The following TFDP1 variants were observed in gnomAD, a reference collection of about 807,000 sequenced individuals.
The protein encoded by TFDP1 is DRTF1-polypeptide 1.
A neutral mutation model predicts 48.0 loss-of-function variants in TFDP1; 6 were observed. That is an observed-to-expected ratio of 0.13 (90% confidence interval 0.07 to 0.25). The LOEUF is 0.25. Among genes scored for constraint, TFDP1 ranks in the 10% least tolerant of loss-of-function variants. The pLI is 1.00. For missense variants in TFDP1, 335 were observed against 543.0 expected (o/e 0.62, Z 3.81); for synonymous variants, 201 against 211.6 (o/e 0.95, Z 0.44).
intron 3 of TFDP1, among the ~76,000 whole-genome samples, chr13:113,616,275 GTGTC>G (rs531757669): frequency 5.9e-5 from 9 of 151,946 alleles, no homozygotes; most frequent in African/African-American, 1.5e-4. Flanking sequence ...GGTGCGTGGA[GTGTC>G]TGTCCTCTCC....
At chr13:113,637,107 T>G (rs747909304) in intron 10 of TFDP1, 1 of 182,084 alleles carries the variant, frequency 5.5e-6, no homozygotes, top group Non-Finnish European at 1.1e-5. Context: ...GAAAAAGCAT[T>G]TCAGAGTCAT....
intron 2 of TFDP1, among the ~76,000 whole-genome samples, chr13:113,595,836 A>G (rs2048273180): frequency 6.6e-6 from 1 of 152,226 alleles, no homozygotes; most frequent in African/African-American, 2.4e-5. Context: ...TAATCCCAGC[A>G]CTTTGGGAGG....
At chr13:113,602,458 C>CT (rs2048461264) in intron 2 of TFDP1, among the ~76,000 whole-genome samples, 1 of 150,454 alleles carries the variant, frequency 6.6e-6, no homozygotes, top group Non-Finnish European at 1.5e-5. Context: ...CGGGGCCCAT[C>CT]CCAGCTGCTG....
intron 2 of TFDP1, 166 bp downstream of exon 2, chr13:113,586,015 A>C: frequency 1.4e-6 from 1 of 740,360 alleles, no homozygotes. Flanking sequence ...GAAGGATCTG[A>C]TCTCTGAAGC....
rs201563015 is a variant in TFDP1 at position 113,623,223 on chromosome 13, G to A, written c.123G>A (p.Pro41=). ...LVAVHPSTVN[P]LGKQLLPKTF... ...CCGTTCACCCCTCCACCGTCAACCC[G>A]CTCGGGAAGCAGCTCTTGCCAAAAA... Residue 41 remains proline (P), a synonymous_variant, in exon 4 of 12, where the codon CCG becomes CCA. Transcript: ENST00000375370. This position sits in a 1 kb window ranked among gnomAD's most constrained non-coding sequence, Gnocchi z 5.2. The A allele has an allele frequency of 2.2e-5, 36 of 1,613,642 alleles. No individual in the cohort carries two copies. Among genetic ancestry groups the A allele is most frequent in the Middle Eastern group, 1.6e-4 (1 of 6,062 alleles).
chr13:113,587,934 G>A (rs1046840930), intron 2 of TFDP1, among the ~76,000 whole-genome samples: 1 of 152,186 alleles, frequency 6.6e-6, no homozygotes, highest in South Asian at 2.1e-4. Context: ...TCAGCTCACT[G>A]TGACCTTGGC....
At position 113,594,374 on chromosome 13, in the gene TFDP1, G is replaced by A. The variant is rs560386729; in HGVS notation, c.12+8525G>A. 6.6e-5 allele frequency among the ~76,000 whole-genome samples: 10 copies of A among 151,240 alleles called. No homozygotes were observed. In the South Asian group the frequency reaches 1.1e-3, roughly 16 times the overall value. Reference sequence around the variant, plus strand: ...CCTCAGCTATACACAGGTGTCAGGCGTGATGCGTGTGGGTCCTCAGCCCTG... The same window carrying A: ...CCTCAGCTATACACAGGTGTCAGGCATGATGCGTGTGGGTCCTCAGCCCTG... On this transcript the variant is annotated intron_variant, in intron 2 of 11. Transcript: ENST00000375370.
chr13:113,610,240 CAT>C (rs2048674597), intron 2 of TFDP1, among the ~76,000 whole-genome samples: 2 of 151,210 alleles, frequency 1.3e-5, no homozygotes, highest in South Asian at 2.1e-4. Flanking sequence ...TAGCATCACT[CAT>C]GTGCCTCTGC....
chr13:113,600,857 T>C (rs368937723), intron 2 of TFDP1, among the ~76,000 whole-genome samples: 1 of 138,564 alleles, frequency 7.2e-6, no homozygotes, highest in Non-Finnish European at 1.5e-5. Flanking sequence ...AGGACCGTGA[T>C]AGAGAACTCA....
At chr13:113,631,398 G>T (rs931509034) in intron 4 of TFDP1, among the ~76,000 whole-genome samples, 9 of 152,190 alleles carry the variant, frequency 5.9e-5, no homozygotes, top group African/African-American at 2.4e-5. Flanking sequence ...TGGAGAAGAT[G>T]CCTGTGACTG....
chr13:113,597,835 G>C lies in TFDP1; in HGVS notation c.12+11986G>C, dbSNP rs571730037. 2.6e-5 allele frequency among the ~76,000 whole-genome samples: 4 copies of C among 152,294 alleles called. 1 individual carries two copies. The South Asian group carries it at 8.3e-4, about 32-fold the overall frequency. On this transcript the variant is annotated intron_variant, in intron 2 of 11. Coordinates refer to ENST00000375370, the MANE Select transcript of TFDP1 (RefSeq NM_007111.5). Reference sequence around the variant, plus strand: ...CAGGAGCCAGCATCCAGACACGCTGGGGACTCTGCGGCCTCTGTCTTTGCC... The same window carrying C: ...CAGGAGCCAGCATCCAGACACGCTGCGGACTCTGCGGCCTCTGTCTTTGCC...
chr13:113,600,566 A>C (rs2048395582), intron 2 of TFDP1, among the ~76,000 whole-genome samples: 1 of 145,418 alleles, frequency 6.9e-6, no homozygotes, highest in South Asian at 2.3e-4. Context: ...TAGAGAACTC[A>C]GGACTGCAAG....
intron 3 of TFDP1, among the ~76,000 whole-genome samples, chr13:113,615,844 C>T (rs936751960): frequency 6.6e-6 from 1 of 151,900 alleles, no homozygotes; most frequent in Non-Finnish European, 1.5e-5. Context: ...CCTGGGAGGT[C>T]GAGGCTGCAG....
chr13:113,596,773 G>A (rs2048299575), intron 2 of TFDP1, among the ~76,000 whole-genome samples: 1 of 152,222 alleles, frequency 6.6e-6, no homozygotes, highest in Non-Finnish European at 1.5e-5. Flanking sequence ...CAGCATCGAG[G>A]TTGATCTTGA....
chr13:113,604,849 T>C (rs1250050892), intron 2 of TFDP1, among the ~76,000 whole-genome samples: 1 of 152,180 alleles, frequency 6.6e-6, no homozygotes, highest in Non-Finnish European at 1.5e-5. Context: ...CAGGCAGGAA[T>C]GGAGGCTGAG....
intron 4 of TFDP1, among the ~76,000 whole-genome samples, chr13:113,625,310 CCTCACGTGTTT>C (rs201237700): frequency 1.1e-5 from 1 of 88,066 alleles, no homozygotes. Context: ...TCTCACGTGT[CCTCACGTGTTT>C]CTCAGGCGTC....
At chr13:113,599,594 G>C (rs1316804378) in intron 2 of TFDP1, among the ~76,000 whole-genome samples, 2 of 152,194 alleles carry the variant, frequency 1.3e-5, no homozygotes, top group Non-Finnish European at 2.9e-5. Flanking sequence ...AATTGAGTGA[G>C]GGCACGCGGG....
intron 9 of TFDP1, 107 bp downstream of exon 9, chr13:113,636,235 A>G: frequency 7.0e-7 from 1 of 1,430,648 alleles, no homozygotes; most frequent in South Asian, 1.3e-5. Context: ...TACAAATAGC[A>G]AATGTTGCAC....
intron 3 of TFDP1, among the ~76,000 whole-genome samples, chr13:113,616,248 C>G (rs1042592071): frequency 6.6e-6 from 1 of 150,890 alleles, no homozygotes; most frequent in Non-Finnish European, 1.5e-5. Flanking sequence ...TACATTTGAG[C>G]GTGCACTTTC....
Sources: gnomAD v4.1 joint callset for allele counts (sites outside exome capture counted in the v4.1 genomes callset) on GRCh38, gnomAD v4.1.1 for gene constraint, Gnocchi (gnomAD v3.1) non-coding constraint, MANE v1.5 for transcripts, NCBI Gene and HGNC (gene_info 2026-07-23, HGNC 2026-07-21) for gene names.